CA8: variants seen among roughly 807,000 people sequenced by gnomAD.
The protein encoded by CA8 is carbonic anhydrase 8 (inactive).
Under a neutral mutation model 41.4 loss-of-function variants are expected in CA8, and 22 were observed. That is an observed-to-expected ratio of 0.53 (90% CI 0.38 to 0.76). The LOEUF is 0.76. Among genes scored for constraint, CA8 ranks in the 30% least tolerant of loss-of-function variants. The probability of loss-of-function intolerance (pLI) is 0.00; values close to 1 mark genes in which losing one functional copy is unlikely to be tolerated. For missense variants in CA8, 270 were observed against 352.8 expected, an observed-to-expected ratio of 0.77 and a Z score of 1.88; for synonymous variants, 121 against 130.6, an observed-to-expected ratio of 0.93 and a Z score of 0.50.
intron 3 of CA8, among the ~76,000 whole-genome samples, chr8:60,241,094 T>C (rs967688635): frequency 6.6e-6 from 1 of 152,232 alleles, no homozygotes; most frequent in Non-Finnish European, 1.5e-5. Flanking sequence ...AGCCCATTCA[T>C]CAGCAGATAA....
At position 60,243,430 on chromosome 8, in the gene CA8, T is replaced by TA. The variant is rs200587653; in HGVS notation, c.418-11052dup. Among the ~76,000 whole-genome samples, 953 of 141,424 alleles carry TA rather than the reference T, an allele frequency of 6.7e-3. 7 individuals are homozygous for TA. Among genetic ancestry groups the TA allele is most frequent in the Middle Eastern group, 0.011 (3 of 272 alleles). 92.8% of individuals were successfully genotyped at this position (141,424 alleles called of 152,430 possible). A position where few individuals can be genotyped will look rare whatever the true frequency, so the allele number is the denominator to read the frequency against. ...AATATGCATAGATGTTTCTCCTCTT[T>TA]AAAAAAAAAAAAAAAAATTCCTGGA... On this transcript the variant is annotated intron_variant, in intron 3 of 8. Coordinates refer to ENST00000317995, the MANE Select transcript of CA8 (RefSeq NM_004056.6).
chr8:60,199,799 A>G (rs1385742884), intron 8 of CA8, among the ~76,000 whole-genome samples: 1 of 152,366 alleles, frequency 6.6e-6, no homozygotes, highest in African/African-American at 2.4e-5. Context: ...ATGTTTAAGT[A>G]AAACTGAAGT....
Position 60,278,791 on chromosome 8 carries a change from GATTAATA to G in CA8, c.292+891_292+897del, listed in dbSNP as rs1464372468. On this transcript the variant is annotated intron_variant, in intron 2 of 8. Transcript: ENST00000317995. ...ATAGCTGGAAATCAACAGCTGCCTTGATTAATAACAAACCTAAAGATTTTATAGTTTG... is the reference window on the plus strand; with the variant it reads ...ATAGCTGGAAATCAACAGCTGCCTTGACAAACCTAAAGATTTTATAGTTTG... Among the ~76,000 whole-genome samples the G allele has an allele frequency of 9.2e-5, 14 of 152,272 alleles. 1 individual carries two copies. Among genetic ancestry groups the G allele is most frequent in the African/African-American group, 3.1e-4 (13 of 41,556 alleles).
intron 3 of CA8, among the ~76,000 whole-genome samples, chr8:60,235,009 C>T (rs1025859488): frequency 6.6e-6 from 1 of 152,150 alleles, no homozygotes; most frequent in African/African-American, 2.4e-5. Context: ...AACCTAGGTG[C>T]GTGGCTCACA....
intron 8 of CA8, among the ~76,000 whole-genome samples, chr8:60,207,273 C>T (rs1235068883): frequency 2.0e-5 from 3 of 152,216 alleles, no homozygotes; most frequent in Non-Finnish European, 4.4e-5. Context: ...TAAAGCCTCC[C>T]ACAAGATTTT....
intron 3 of CA8, among the ~76,000 whole-genome samples, chr8:60,245,863 T>G (rs761329326): frequency 2.6e-5 from 4 of 152,202 alleles, no homozygotes; most frequent in Non-Finnish European, 5.9e-5. Flanking sequence ...GGCAATGCAC[T>G]TCAGTTCAGT....
intron 7 of CA8, among the ~76,000 whole-genome samples, chr8:60,219,181 C>T (rs1443015758): frequency 2.0e-4 from 29 of 144,482 alleles, no homozygotes; most frequent in Non-Finnish European, 3.5e-4. Flanking sequence ...TTTTTTTAGA[C>T]GGAGTCTCGC....
At chr8:60,263,321 T>TA (rs11345369) in intron 3 of CA8, among the ~76,000 whole-genome samples, 1,391 of 132,938 alleles carry the variant, frequency 0.01, 12 homozygotes, top group Middle Eastern at 0.028. Flanking sequence ...GACTCCATCT[T>TA]AAAAAAAAAA....
intron 4 of CA8, among the ~76,000 whole-genome samples, chr8:60,231,389 T>C (rs1807641979): frequency 6.6e-6 from 1 of 152,146 alleles, no homozygotes; most frequent in African/African-American, 2.4e-5. Context: ...TAAAGACATA[T>C]CTAGGAGATA....
chr8:60,192,385 T>C (rs905231290), intron 8 of CA8, among the ~76,000 whole-genome samples: 4 of 152,168 alleles, frequency 2.6e-5, no homozygotes, highest in African/African-American at 7.2e-5. Context: ...GCAGATATCA[T>C]GTGCTGAGCA....
intron 3 of CA8, among the ~76,000 whole-genome samples, chr8:60,253,191 C>T (rs1808510476): frequency 6.6e-6 from 1 of 152,138 alleles, no homozygotes; most frequent in Admixed American, 6.5e-5. Flanking sequence ...GCCAAGATCA[C>T]TTCACTGCAC....
chr8:60,193,468 G>T (rs1277136320), intron 8 of CA8, among the ~76,000 whole-genome samples: 2 of 152,014 alleles, frequency 1.3e-5, no homozygotes, highest in Non-Finnish European at 2.9e-5. Flanking sequence ...CTCCATTTTG[G>T]TGTGGCAATA....
intron 2 of CA8, 44 bp downstream of exon 2, chr8:60,279,645 G>A (rs1804344579): frequency 2.6e-6 from 4 of 1,518,912 alleles, no homozygotes; most frequent in Non-Finnish European, 3.7e-6. Flanking sequence ...ACTCTACGCT[G>A]ACTTCTAGTT....
At chr8:60,202,394 C>T (rs547020131) in intron 8 of CA8, among the ~76,000 whole-genome samples, 3 of 152,014 alleles carry the variant, frequency 2.0e-5, no homozygotes, top group South Asian at 2.1e-4. Flanking sequence ...AAAGCAATGT[C>T]CATCTTGAAG....
intron 7 of CA8, among the ~76,000 whole-genome samples, chr8:60,215,255 T>C (rs188715067): frequency 6.6e-6 from 1 of 152,148 alleles, no homozygotes; most frequent in East Asian, 1.9e-4. Flanking sequence ...TCCAGCTGAT[T>C]GGCTTCCGAA....
intron 2 of CA8, among the ~76,000 whole-genome samples, chr8:60,268,749 T>A (rs1371837972): frequency 6.6e-6 from 1 of 152,238 alleles, no homozygotes; most frequent in Admixed American, 6.5e-5. Flanking sequence ...GCCTTGTAGA[T>A]CTTACATTCT....
At chr8:60,215,672 G>A (rs1243888713) in intron 7 of CA8, among the ~76,000 whole-genome samples, 1 of 152,070 alleles carries the variant, frequency 6.6e-6, no homozygotes, top group Non-Finnish European at 1.5e-5. Flanking sequence ...CATAAGGCAT[G>A]CTAACCAGGA....
intron 4 of CA8, among the ~76,000 whole-genome samples, chr8:60,228,913 T>G (rs1207919556): frequency 6.6e-6 from 1 of 152,182 alleles, no homozygotes; most frequent in Admixed American, 6.5e-5. Flanking sequence ...TTTTCCTTCC[T>G]TGCCAAATTT....
intron 3 of CA8, among the ~76,000 whole-genome samples, chr8:60,259,097 T>C (rs1357351622): frequency 2.6e-5 from 4 of 152,158 alleles, no homozygotes; most frequent in Admixed American, 2.6e-4. Flanking sequence ...AAATATGAAA[T>C]ACTTTGGATG....
Sources: allele counts gnomAD v4.1 joint callset (sites outside exome capture counted in the v4.1 genomes callset), GRCh38; gene constraint gnomAD v4.1.1; transcripts MANE v1.5; gene names NCBI Gene and HGNC (gene_info 2026-07-23, HGNC 2026-07-21).